HPSE2: variants seen among roughly 807,000 people sequenced by gnomAD.
HPSE2 encodes the protein heparanase 2 (inactive), also known as inactive heparanase-2.
Under a neutral mutation model 60.5 loss-of-function variants are expected in HPSE2, and 38 were observed. That is an observed-to-expected ratio of 0.63 (90% CI 0.48 to 0.82). The LOEUF (loss-of-function observed/expected upper bound fraction) is 0.82. Ranked by LOEUF, HPSE2 falls within the 40% of genes least tolerant of loss-of-function variation. The pLI is 0.00. For synonymous variants in HPSE2, 295 were observed against 293.2 expected (o/e 1.01, Z -0.06); for missense variants, 713 against 740.4 (o/e 0.96, Z 0.43).
At chr10:99,161,370 A>G (rs531942074) in intron 2 of HPSE2, among the ~76,000 whole-genome samples, 1 of 152,358 alleles carries the variant, frequency 6.6e-6, no homozygotes, top group African/African-American at 2.4e-5. Flanking sequence ...AGAAATAAAA[A>G]GAAACTAATT....
At chr10:98,735,756 C>A (rs549357628) in intron 4 of HPSE2, among the ~76,000 whole-genome samples, 8 of 152,178 alleles carry the variant, frequency 5.3e-5, no homozygotes, top group African/African-American at 1.9e-4. Context: ...GCCATTAGCC[C>A]CTTTATTTTG....
Position 98,940,021 on chromosome 10 carries a change from C to T in HPSE2, c.611-195965G>A, listed in dbSNP as rs546841420. On this transcript the variant is annotated intron_variant, in intron 3 of 11. Transcript: ENST00000370552. Reference sequence around the variant, plus strand: ...GAAATGAAGGCAGAAATAAAGATGTCCTTTGAAACCAACGAGAACAAAGAC... The same window carrying T: ...GAAATGAAGGCAGAAATAAAGATGTTCTTTGAAACCAACGAGAACAAAGAC... Among the ~76,000 whole-genome samples, 22 of 143,150 alleles carry T rather than the reference C, an allele frequency of 1.5e-4. 3 individuals carry two copies. The highest frequency in any genetic ancestry group is 4.8e-4 in the African/African-American group (17 of 35,098). The allele number at this position is 143,150 out of a possible 152,430, so 93.9% of individuals were successfully genotyped here.
At chr10:98,626,955 A>G (rs909250579) in intron 7 of HPSE2, among the ~76,000 whole-genome samples, 2 of 151,968 alleles carry the variant, frequency 1.3e-5, no homozygotes, top group Non-Finnish European at 2.9e-5. Flanking sequence ...TTGTATTTTT[A>G]GTAGAGATGG....
chr10:99,249,603 T>C, the HPSE2 span, among the ~76,000 whole-genome samples: 2 of 152,060 alleles, frequency 1.3e-5, no homozygotes, highest in Non-Finnish European at 2.9e-5. Flanking sequence ...CTGAAATGAG[T>C]TAAGACTTGG....
intron 2 of HPSE2, 134 bp downstream of exon 2, chr10:99,232,214 T>TATAC (rs1554926259): frequency 3.3e-6 from 3 of 898,260 alleles, no homozygotes; most frequent in Non-Finnish European, 5.1e-6. Flanking sequence ...CGCGCGCGCA[T>TATAC]ACACACACAC....
chr10:98,991,879 C>A (rs564502415), intron 3 of HPSE2, among the ~76,000 whole-genome samples: 1 of 152,108 alleles, frequency 6.6e-6, no homozygotes, highest in African/African-American at 2.4e-5. Context: ...TGGCTAGGAG[C>A]AGGTCTGAAG....
At chr10:99,081,579 A>AG (rs1843138205) in intron 3 of HPSE2, among the ~76,000 whole-genome samples, 1 of 126,948 alleles carries the variant, frequency 7.9e-6, no homozygotes, top group Middle Eastern at 3.7e-3. Context: ...TACTACTACT[A>AG]AAGATGATGA....
chr10:99,117,297 G>C (rs928817664), intron 3 of HPSE2, among the ~76,000 whole-genome samples: 1 of 148,742 alleles, frequency 6.7e-6, no homozygotes, highest in East Asian at 2.0e-4. Flanking sequence ...AGAGAACCAA[G>C]AGAAAACCAA....
intron 2 of HPSE2, among the ~76,000 whole-genome samples, chr10:99,205,559 G>A (rs538327481): frequency 3.9e-5 from 6 of 152,218 alleles, no homozygotes; most frequent in Admixed American, 1.3e-4. Context: ...TCCTGCCTGG[G>A]CAACAGAGTG....
intron 5 of HPSE2, among the ~76,000 whole-genome samples, chr10:98,704,972 A>G (rs1004136158): frequency 6.6e-6 from 1 of 152,208 alleles, no homozygotes; most frequent in Non-Finnish European, 1.5e-5. Context: ...GTAAATAGGC[A>G]ACATACAGAA....
In HPSE2 at chr10:98,875,621, C is replaced by G. The variant is rs1375830379; in HGVS notation, c.611-131565G>C. Among the ~76,000 whole-genome samples, 3 of 151,966 alleles carry G rather than the reference C, an allele frequency of 2.0e-5. No homozygotes were observed. In the East Asian group the frequency reaches 5.8e-4, roughly 29 times the overall value. ...GGTACAAAGAATAACTGGTACCCTT[C>G]TTTCTGAAACTCTTCCAAACAATTG... is the stretch of plus-strand genomic sequence containing the variant. On this transcript the variant is annotated intron_variant, in intron 3 of 11. Coordinates refer to ENST00000370552, the MANE Select transcript of HPSE2 (RefSeq NM_021828.5).
At chr10:98,749,947 T>TATATATATATATATATATATAC in intron 3 of HPSE2, among the ~76,000 whole-genome samples, 1,857 of 98,304 alleles carry the variant, frequency 0.019, 43 homozygotes, top group South Asian at 0.027. Flanking sequence ...TATATATATA[T>TATATATATATATATATATATAC]ACACACACAC....
At chr10:99,273,068 C>A in the HPSE2 span, among the ~76,000 whole-genome samples, 1 of 152,142 alleles carries the variant, frequency 6.6e-6, no homozygotes, top group African/African-American at 2.4e-5. Flanking sequence ...ATATATCTAC[C>A]ATGGAATACT....
chr10:98,656,989 C>T (rs1947086225), intron 6 of HPSE2, among the ~76,000 whole-genome samples: 1 of 152,042 alleles, frequency 6.6e-6, no homozygotes, highest in African/African-American at 2.4e-5. Flanking sequence ...TCTTGAACTC[C>T]TGACCTCAGC....
chr10:99,145,023 G>A (rs950233998), intron 2 of HPSE2, among the ~76,000 whole-genome samples: 5 of 152,178 alleles, frequency 3.3e-5, no homozygotes, highest in Non-Finnish European at 5.9e-5. Context: ...TCACTGAAGA[G>A]AGCACAGGAG....
chr10:98,867,847 G>A (rs1031304309), intron 3 of HPSE2, among the ~76,000 whole-genome samples: 5 of 152,076 alleles, frequency 3.3e-5, no homozygotes, highest in Admixed American at 3.3e-4. Context: ...ACTACCTGAG[G>A]TCAGGAGTTC....
chr10:98,659,552 A>T (rs1360459706), intron 6 of HPSE2, among the ~76,000 whole-genome samples: 2 of 152,180 alleles, frequency 1.3e-5, no homozygotes, highest in Non-Finnish European at 2.9e-5. Context: ...TATTTTATTT[A>T]TTCATTCATC....
chr10:99,217,882 G>A (rs10883300), intron 2 of HPSE2, among the ~76,000 whole-genome samples: 74,994 of 151,792 alleles, frequency 0.49, 21,696 homozygotes, highest in Non-Finnish European at 0.64. Context: ...CACTGTGCCT[G>A]CCCCCAATAT....
the HPSE2 span, among the ~76,000 whole-genome samples, chr10:99,288,229 G>T: frequency 1.3e-5 from 2 of 152,032 alleles, no homozygotes; most frequent in Admixed American, 1.3e-4. Flanking sequence ...GTTCCAGGGA[G>T]CCCTGAGCAA....
Sources: gnomAD v4.1 joint callset for allele counts (sites outside exome capture counted in the v4.1 genomes callset) on GRCh38, gnomAD v4.1.1 for gene constraint, MANE v1.5 for transcripts, NCBI Gene and HGNC (gene_info 2026-07-23, HGNC 2026-07-21) for gene names.